The following CSGALNACT1 variants were observed in gnomAD, a reference collection of about 807,000 sequenced individuals.
The protein encoded by CSGALNACT1 is beta4GalNAcT-1.
In CSGALNACT1, 52 loss-of-function variants were observed where a neutral mutation model predicts 51.0. The observed-to-expected ratio is 1.02, with a 90% CI of 0.82 to 1.29. The LOEUF is 1.29. CSGALNACT1 is among the 50% of genes most tolerant of loss of function. The pLI, the probability that CSGALNACT1 is intolerant of heterozygous loss-of-function variation, is 0.00. For missense variants in CSGALNACT1, 935 were observed against 679.2 expected (o/e 1.38, Z -4.19); for synonymous variants, 341 against 254.4 (o/e 1.34, Z -3.24).
At chr8:19,404,782 A>C (rs1204410103) in exon 10 of CSGALNACT1, 3 of 454,450 alleles carry the variant, frequency 6.6e-6, no homozygotes, top group Admixed American at 2.3e-5. Context: ...ACTTTTAGGT[A>C]CATCACGATA....
intron 3 of CSGALNACT1, among the ~76,000 whole-genome samples, chr8:19,573,870 C>T (rs1016227932): frequency 6.6e-6 from 1 of 152,132 alleles, no homozygotes. Flanking sequence ...AGTAAGAGTC[C>T]TTAAGAGGAC....
chr8:19,717,294 G>A (rs1271039806), intron 1 of CSGALNACT1, among the ~76,000 whole-genome samples: 1 of 152,192 alleles, frequency 6.6e-6, no homozygotes, highest in East Asian at 1.9e-4. Flanking sequence ...GAGGCAAGGT[G>A]CAAACAAGTT....
intron 3 of CSGALNACT1, among the ~76,000 whole-genome samples, chr8:19,511,667 C>G (rs546750333): frequency 2.0e-3 from 299 of 152,270 alleles, no homozygotes; most frequent in Non-Finnish European, 3.6e-3. Flanking sequence ...CACTGTGTGT[C>G]TGCTCCCACA....
chr8:19,705,326 C>T (rs34752971), intron 1 of CSGALNACT1, among the ~76,000 whole-genome samples: 46,633 of 152,086 alleles, frequency 0.31, 7,676 homozygotes, highest in African/African-American at 0.41. Context: ...CAGGGAAAAA[C>T]TGGAAACAAT....
intron 5 of CSGALNACT1, among the ~76,000 whole-genome samples, chr8:19,446,856 T>C (rs930449190): frequency 6.6e-6 from 1 of 152,100 alleles, no homozygotes; most frequent in African/African-American, 2.4e-5. Context: ...TTTTAGGATG[T>C]TTTTTCTTAA....
At chr8:19,661,613 G>C (rs1008082586) in intron 1 of CSGALNACT1, among the ~76,000 whole-genome samples, 2 of 152,158 alleles carry the variant, frequency 1.3e-5, no homozygotes, top group African/African-American at 4.8e-5. Flanking sequence ...GATTGCATGG[G>C]ACATAGGATA....
rs1186216767 is a variant in CSGALNACT1 at position 19,408,468 on chromosome 8, CTTTTTTTTTT to C, written c.1309+135_1309+144del. 1.0e-2 allele frequency: 4,650 copies of C among 465,482 alleles called. 15 individuals carry two copies. Among genetic ancestry groups the C allele is most frequent in the African/African-American group, 0.035 (991 of 28,252 alleles). 28.8% of individuals were successfully genotyped at this position (465,482 alleles called of 1,614,324 possible). A position where few individuals can be genotyped will look rare whatever the true frequency, so the allele number is the denominator to read the frequency against. ...AGCCACCGCACCTAGTCTGGAATAG[CTTTTTTTTTT>C]TTTTTTTTTTTTTTTTTTTGAAGGC... On this transcript the variant is annotated intron_variant, in intron 9 of 9. Transcript: ENST00000454498.
At chr8:19,450,815 G>T (rs1290500070) in intron 5 of CSGALNACT1, among the ~76,000 whole-genome samples, 1 of 152,000 alleles carries the variant, frequency 6.6e-6, no homozygotes, top group Non-Finnish European at 1.5e-5. Context: ...GAGTCTGAGG[G>T]GGGAGGATCA....
intron 3 of CSGALNACT1, among the ~76,000 whole-genome samples, chr8:19,590,220 T>G (rs2047508627): frequency 6.6e-6 from 1 of 152,220 alleles, no homozygotes; most frequent in Non-Finnish European, 1.5e-5. Context: ...AAATTTCTTT[T>G]AACTAAATGG....
At chr8:19,566,997 GAAGGAT>G (rs1183551401) in intron 3 of CSGALNACT1, among the ~76,000 whole-genome samples, 3 of 152,212 alleles carry the variant, frequency 2.0e-5, no homozygotes, top group African/African-American at 7.2e-5. Flanking sequence ...GCTGCCTGCA[GAAGGAT>G]AAGATAATAT....
At chr8:19,712,267 C>T (rs922774446) in intron 1 of CSGALNACT1, among the ~76,000 whole-genome samples, 17 of 152,064 alleles carry the variant, frequency 1.1e-4, no homozygotes, top group South Asian at 4.1e-4. Flanking sequence ...CCTCGTGATC[C>T]GCCCACCTCA....
At position 19,498,279 on chromosome 8, in the gene CSGALNACT1, C is replaced by T. The variant is rs551545395; in HGVS notation, c.634+6922G>A. 5.9e-5 allele frequency among the ~76,000 whole-genome samples: 9 copies of T among 152,240 alleles called. No individual in the cohort carries two copies. In the South Asian group the frequency reaches 1.9e-3, roughly 32 times the overall value. On this transcript the variant is annotated intron_variant, in intron 4 of 9. Coordinates refer to ENST00000454498, the Ensembl canonical transcript of CSGALNACT1. ...AGCTGGGGACATTCTGCACACATGA[C>T]CAGTATCCATACACACATGTTGATT...
At chr8:19,610,818 CCT>C (rs2052145217) in intron 1 of CSGALNACT1, among the ~76,000 whole-genome samples, 1 of 152,222 alleles carries the variant, frequency 6.6e-6, no homozygotes, top group African/African-American at 2.4e-5. Flanking sequence ...TACGGAAAGC[CCT>C]CTGTCCTTGA....
At chr8:19,584,227 A>G (rs1197822994) in intron 3 of CSGALNACT1, among the ~76,000 whole-genome samples, 1 of 152,186 alleles carries the variant, frequency 6.6e-6, no homozygotes. Context: ...CAGAGCTAAC[A>G]TTTGAGAAAT....
chr8:19,557,752 A>C (rs1376112150), intron 3 of CSGALNACT1, among the ~76,000 whole-genome samples: 2 of 152,078 alleles, frequency 1.3e-5, no homozygotes, highest in Non-Finnish European at 2.9e-5. Flanking sequence ...CCACTTCTTC[A>C]TACCTATCAT....
chr8:19,565,237 C>G (rs557291157), intron 3 of CSGALNACT1, among the ~76,000 whole-genome samples: 1 of 152,212 alleles, frequency 6.6e-6, no homozygotes, highest in Admixed American at 6.5e-5. Context: ...CGGAAAAGTT[C>G]TAAAAGTCAA....
At chr8:19,553,303 A>G (rs2088686258) in intron 3 of CSGALNACT1, among the ~76,000 whole-genome samples, 1 of 152,136 alleles carries the variant, frequency 6.6e-6, no homozygotes, top group Non-Finnish European at 1.5e-5. Context: ...CCTTCTGTTT[A>G]TTAAATGGTA....
chr8:19,474,469 G>A (rs890783865), intron 4 of CSGALNACT1, among the ~76,000 whole-genome samples: 2 of 152,112 alleles, frequency 1.3e-5, no homozygotes, highest in Non-Finnish European at 1.5e-5. Flanking sequence ...TGCAATCATT[G>A]TAGGGTCTTA....
At position 19,434,152 on chromosome 8, in the gene CSGALNACT1, T is replaced by C. The variant is rs116641703; in HGVS notation, c.953+5678A>G. 6.2e-3 allele frequency among the ~76,000 whole-genome samples: 947 copies of C among 152,320 alleles called. 9 individuals are homozygous for C. Among genetic ancestry groups the C allele is most frequent in the African/African-American group, 0.022 (897 of 41,562 alleles). On this transcript the variant is annotated intron_variant, in intron 6 of 9. Transcript: ENST00000454498. ...AAAAGTGATTCTATTTTTTTCCAAT[T>C]TTCTTACTGCTTTTGTAGAGAGGAG...
Sources: allele counts gnomAD v4.1 joint callset (sites outside exome capture counted in the v4.1 genomes callset), GRCh38; gene constraint gnomAD v4.1.1; transcripts MANE v1.5; gene names NCBI Gene and HGNC (gene_info 2026-07-23, HGNC 2026-07-21).